The following RSF1 variants were observed in gnomAD, a reference collection of about 807,000 sequenced individuals.
RSF1 encodes HBV pX-associated protein 8.
RSF1 carries 13 observed loss-of-function variants against 145.2 expected under a neutral mutation model. The observed-to-expected ratio is 0.09, with a 90% confidence interval of 0.06 to 0.14. The LOEUF (loss-of-function observed/expected upper bound fraction) is 0.14. Ranked by LOEUF, RSF1 falls within the 10% of genes least tolerant of loss-of-function variation. RSF1 has a pLI of 1.00. For synonymous variants in RSF1, 577 were observed against 592.6 expected (o/e 0.97, Z 0.38); for missense variants, 1,517 against 1,718.2 (o/e 0.88, Z 2.07).
Position 77,804,325 on chromosome 11 carries a change from G to A in RSF1, c.187+16203C>T, listed in dbSNP as rs567802706. The stretch of plus-strand genomic sequence containing the variant: ...ATTCCGGTGAATTACAGAACCTGAG[G>A]TGGGTTATGGGAAATCCTCAGATTT... On this transcript the variant is annotated intron_variant, in intron 1 of 15. Coordinates refer to ENST00000308488, the MANE Select transcript of RSF1 (RefSeq NM_016578.4). 9.2e-5 allele frequency among the ~76,000 whole-genome samples: 14 copies of A among 152,266 alleles called. No homozygotes were observed. In the East Asian group the frequency reaches 2.7e-3, roughly 29 times the overall value.
chr11:77,677,078 C>G, intron 12 of RSF1, 79 bp from the exon 13 acceptor site: 1 of 1,076,262 alleles, frequency 9.3e-7, no homozygotes, highest in South Asian at 1.4e-5. Context: ...TAGAGACAGT[C>G]CTTATTCATG....
Position 77,702,192 on chromosome 11 carries a change from T to C in RSF1, c.1037A>G (p.Gln346Arg), listed in dbSNP as rs749177916. Residue 346 changes from glutamine to arginine, a missense_variant, in exon 6 of 16, where the codon CAG becomes CGG. Gln to Arg is a conservative substitution (Grantham distance 43). Transcript: ENST00000308488. Reference protein sequence around the residue: ...TKSSMEKPVAQEPERIEFGGN... With the variant: ...TKSSMEKPVAREPERIEFGGN... ...ACCAAATTCGATCCTTTCAGGCTCC[T>C]GTGCCACTGGCTTCTCCATGCTACT... 1.9e-6 allele frequency: 3 copies of C among 1,614,104 alleles called. No individual in the cohort carries two copies. The highest frequency in any genetic ancestry group is 2.5e-6 in the Non-Finnish European group (3 of 1,179,992).
intron 2 of RSF1, among the ~76,000 whole-genome samples, chr11:77,755,792 C>G (rs1383180485): frequency 6.6e-6 from 1 of 152,060 alleles, no homozygotes; most frequent in Non-Finnish European, 1.5e-5. Context: ...GTTGGCCAGG[C>G]TAGTCTTGAA....
intron 1 of RSF1, among the ~76,000 whole-genome samples, chr11:77,779,457 A>C (rs1948381698): frequency 6.7e-6 from 1 of 150,354 alleles, no homozygotes; most frequent in Admixed American, 6.7e-5. Context: ...ATCTTGGCTC[A>C]CTGCAACCTC....
chr11:77,792,350 G>A (rs1948525901), intron 1 of RSF1, among the ~76,000 whole-genome samples: 1 of 152,038 alleles, frequency 6.6e-6, no homozygotes. Flanking sequence ...CCATATCCAA[G>A]CCCAAGAACC....
At chr11:77,706,218 C>T (rs1435455573) in intron 5 of RSF1, among the ~76,000 whole-genome samples, 6 of 137,842 alleles carry the variant, frequency 4.4e-5, no homozygotes, top group East Asian at 2.1e-4. Flanking sequence ...TCCAGCCTGG[C>T]GACAGAGTGA....
At chr11:77,788,796 C>CT (rs575801616) in intron 1 of RSF1, among the ~76,000 whole-genome samples, 11 of 152,118 alleles carry the variant, frequency 7.2e-5, no homozygotes, top group Non-Finnish European at 1.3e-4. Context: ...AAGGGAGAGA[C>CT]TTTAAGATTG....
intron 1 of RSF1, among the ~76,000 whole-genome samples, chr11:77,819,468 A>G (rs1480831867): frequency 1.3e-5 from 2 of 152,242 alleles, no homozygotes; most frequent in Non-Finnish European, 2.9e-5. Flanking sequence ...CAGCAGCAGC[A>G]GGAAGTTTCA....
chr11:77,838,017 G>A, the RSF1 span, among the ~76,000 whole-genome samples: 1 of 152,208 alleles, frequency 6.6e-6, no homozygotes, highest in Non-Finnish European at 1.5e-5. Context: ...AGGTTGCAGT[G>A]AGCTAAGATC....
chr11:77,738,281 TACAGGAATG>T (rs1961416380), intron 4 of RSF1, among the ~76,000 whole-genome samples: 1 of 152,208 alleles, frequency 6.6e-6, no homozygotes, highest in African/African-American at 2.4e-5. Context: ...CATTTTAAAG[TACAGGAATG>T]TAACTCTCAG....
chr11:77,804,434 A>C (rs906019898), intron 1 of RSF1, among the ~76,000 whole-genome samples: 1 of 152,230 alleles, frequency 6.6e-6, no homozygotes, highest in Non-Finnish European at 1.5e-5. Context: ...TGTTGGTGAC[A>C]TTCTACCTTG....
intron 7 of RSF1, among the ~76,000 whole-genome samples, chr11:77,697,183 T>G (rs1466810417): frequency 6.6e-6 from 1 of 151,972 alleles, no homozygotes; most frequent in Non-Finnish European, 1.5e-5. Context: ...GCTTTTCCCA[T>G]CACATCATAA....
chr11:77,680,971 T>A (rs558452947), intron 11 of RSF1, among the ~76,000 whole-genome samples: 1 of 152,352 alleles, frequency 6.6e-6, no homozygotes, highest in South Asian at 2.1e-4. Context: ...ACTACTTTCT[T>A]ACTGAGAAAT....
rs1335492829 is a variant in RSF1 at position 77,667,395 on chromosome 11, T to G, written c.3848A>C (p.Glu1283Ala). Reference sequence around the variant, plus strand: ...CTCTTCCTCCTCCTCCTCATCTGCTTCTGAATACTCGTCTGTGCTTCGGCC... The same window carrying G: ...CTCTTCCTCCTCCTCCTCATCTGCTGCTGAATACTCGTCTGTGCTTCGGCC... ...KRGRSTDEYSEADEEEEEEEG... is the reference protein window; with the variant it reads ...KRGRSTDEYSAADEEEEEEEG... Residue 1283 changes from glutamate (E) to alanine (A), a missense_variant, in exon 16 of 16, where the codon GAA (glutamate) becomes GCA (alanine). Glu to Ala is a moderately radical substitution (Grantham distance 107). Transcript: ENST00000308488. 1 of 1,614,070 alleles carries G rather than the reference T, an allele frequency of 6.2e-7. No homozygotes were observed. Among genetic ancestry groups the G allele is most frequent in the Non-Finnish European group, 8.5e-7 (1 of 1,180,022 alleles).
intron 15 of RSF1, 147 bp downstream of exon 15, chr11:77,671,895 A>C: frequency 1.5e-6 from 1 of 666,660 alleles, no homozygotes. Flanking sequence ...TGGCCTCCCA[A>C]ACTGCCGGGA....
intron 7 of RSF1, among the ~76,000 whole-genome samples, chr11:77,696,522 C>A (rs1477586440): frequency 6.6e-6 from 1 of 152,058 alleles, no homozygotes; most frequent in Non-Finnish European, 1.5e-5. Flanking sequence ...TCTTCAGTTT[C>A]CAATGTCATT....
chr11:77,728,228 T>C (rs1414475464), intron 4 of RSF1, among the ~76,000 whole-genome samples: 1 of 152,206 alleles, frequency 6.6e-6, no homozygotes, highest in Non-Finnish European at 1.5e-5. Flanking sequence ...GTGTTCCCCA[T>C]GGCTAATTCC....
intron 1 of RSF1, among the ~76,000 whole-genome samples, chr11:77,798,613 A>G (rs1948596385): frequency 7.5e-6 from 1 of 133,670 alleles, no homozygotes; most frequent in African/African-American, 2.9e-5. Context: ...AAAAAAAAAA[A>G]AAAAAAAAAG....
At chr11:77,687,050 T>A (rs1445989872) in intron 9 of RSF1, among the ~76,000 whole-genome samples, 3 of 152,152 alleles carry the variant, frequency 2.0e-5, no homozygotes, top group Non-Finnish European at 4.4e-5. Context: ...TTTTAAAAAG[T>A]GAATATAAGT....
Sources: gnomAD v4.1 joint callset for allele counts (sites outside exome capture counted in the v4.1 genomes callset) on GRCh38, gnomAD v4.1.1 for gene constraint, MANE v1.5 for transcripts, NCBI Gene and HGNC (gene_info 2026-07-23, HGNC 2026-07-21) for gene names.